COP1: variants seen among roughly 807,000 people sequenced by gnomAD.
COP1 encodes COP1 E3 ubiquitin ligase, also known as E3 ubiquitin-protein ligase COP1.
COP1 carries 24 observed loss-of-function variants against 101.3 expected under a neutral mutation model. That is an observed-to-expected ratio of 0.24 (90% CI 0.17 to 0.33). The LOEUF is 0.33. Ranked by LOEUF, COP1 falls within the 10% of genes least tolerant of loss-of-function variation. The pLI, the probability that COP1 is intolerant of heterozygous loss-of-function variation, is 1.00. For synonymous variants in COP1, 347 were observed against 341.9 expected, an observed-to-expected ratio of 1.01 and a Z score of -0.17; for missense variants, 663 against 906.2, an observed-to-expected ratio of 0.73 and a Z score of 3.45.
intron 6 of COP1, among the ~76,000 whole-genome samples, chr1:176,137,488 C>T (rs776812054): frequency 6.6e-6 from 1 of 152,150 alleles, no homozygotes; most frequent in Admixed American, 6.6e-5. Context: ...ATGCGGTTGT[C>T]TTACTCTAAC....
chr1:176,021,471 C>CT (rs1666746262), intron 15 of COP1, among the ~76,000 whole-genome samples: 2 of 152,078 alleles, frequency 1.3e-5, no homozygotes, highest in Non-Finnish European at 2.9e-5. Flanking sequence ...ACATTAATCT[C>CT]TTTTTTGTAC....
chr1:175,945,812 C>T (rs1649100336), intron 19 of COP1, among the ~76,000 whole-genome samples: 1 of 152,216 alleles, frequency 6.6e-6, no homozygotes, highest in South Asian at 2.1e-4. Context: ...ACAACACTCA[C>T]TAAGTAGCAA....
intron 14 of COP1, among the ~76,000 whole-genome samples, chr1:176,042,687 C>G (rs561446762): frequency 1.4e-5 from 2 of 142,594 alleles, no homozygotes; most frequent in African/African-American, 2.6e-5. Context: ...GCCGAGACTG[C>G]GCCACTGCAC....
chr1:176,011,015 G>C (rs1485607954), intron 15 of COP1, among the ~76,000 whole-genome samples: 4 of 152,166 alleles, frequency 2.6e-5, no homozygotes, highest in Non-Finnish European at 5.9e-5. Context: ...ACAGTGAAAA[G>C]AGAACTTTAA....
intron 3 of COP1, among the ~76,000 whole-genome samples, chr1:176,166,121 ATTTAT>A (rs1304252822): frequency 6.6e-6 from 1 of 151,886 alleles, no homozygotes; most frequent in African/African-American, 2.4e-5. Context: ...GCCTGTATTT[ATTTAT>A]TTTATTTATT....
At chr1:176,110,639 T>C (rs1322888981) in intron 9 of COP1, among the ~76,000 whole-genome samples, 7 of 152,066 alleles carry the variant, frequency 4.6e-5, no homozygotes, top group Non-Finnish European at 1.0e-4. Flanking sequence ...ATGAGGTATG[T>C]TTAAAACAAA....
intron 10 of COP1, among the ~76,000 whole-genome samples, chr1:176,082,786 C>G (rs964321028): frequency 3.4e-5 from 5 of 148,680 alleles, no homozygotes; most frequent in Non-Finnish European, 5.9e-5. Context: ...GCCTGGGCAA[C>G]GAGAGCAAAA....
intron 18 of COP1, among the ~76,000 whole-genome samples, chr1:175,955,783 C>A (rs188010319): frequency 7.1e-6 from 1 of 139,884 alleles, no homozygotes; most frequent in Non-Finnish European, 1.6e-5. Flanking sequence ...CACACACACA[C>A]ACACACACAC....
chr1:176,194,952 T>C (rs942472324), intron 1 of COP1, among the ~76,000 whole-genome samples: 30 of 149,196 alleles, frequency 2.0e-4, no homozygotes, highest in African/African-American at 6.4e-4. Context: ...CCAGATGTGG[T>C]GGCCCATGCC....
chr1:176,179,310 AATAAAG>A lies in COP1; in HGVS notation c.468-3309_468-3304del, dbSNP rs1697415955. On this transcript the variant is annotated intron_variant, in intron 2 of 19. Transcript: ENST00000367669. ...GTCTCAAAAAAAAAAAAAATTACAT[AATAAAG>A]ATAAGAGATGGGTTGACAGATAAGT... Among the ~76,000 whole-genome samples, 3 of 152,070 alleles carry A rather than the reference AATAAAG, an allele frequency of 2.0e-5. No individual in the cohort carries two copies. The South Asian group carries it at 6.2e-4, about 32-fold the overall frequency.
chr1:176,114,179 A>C (rs1434687642), intron 9 of COP1, among the ~76,000 whole-genome samples: 1 of 152,154 alleles, frequency 6.6e-6, no homozygotes, highest in Admixed American at 6.5e-5. Flanking sequence ...CCTACGGTAT[A>C]TTTCAATTTA....
At chr1:176,196,432 T>A (rs1699705991) in intron 1 of COP1, among the ~76,000 whole-genome samples, 1 of 152,078 alleles carries the variant, frequency 6.6e-6, no homozygotes, top group Non-Finnish European at 1.5e-5. Context: ...GGGACACCAT[T>A]AACAAATCCA....
At chr1:176,115,563 A>G (rs1474665905) in intron 9 of COP1, among the ~76,000 whole-genome samples, 2 of 152,130 alleles carry the variant, frequency 1.3e-5, no homozygotes, top group African/African-American at 4.8e-5. Flanking sequence ...CCTGGCTAAC[A>G]TGGTGAAACC....
chr1:176,014,004 GATTA>G (rs1471560597), intron 15 of COP1, among the ~76,000 whole-genome samples: 3 of 152,198 alleles, frequency 2.0e-5, no homozygotes, highest in Admixed American at 1.3e-4. Flanking sequence ...TGGGAACACT[GATTA>G]ATTATATGAA....
chr1:176,084,287 T>C (rs1679719245), intron 10 of COP1, among the ~76,000 whole-genome samples: 1 of 152,202 alleles, frequency 6.6e-6, no homozygotes, highest in African/African-American at 2.4e-5. Flanking sequence ...GGAATCTTAA[T>C]ATCCAGAAAT....
Position 176,138,331 on chromosome 1 carries a change from C to T in COP1, c.832-1784G>A, listed in dbSNP as rs138694975. Reference sequence around the variant, plus strand: ...TTAAAGAGATGGGCAAAGGAAGAAGCAGCATTAACAATCAAGAAGGGCAAA... The same window carrying T: ...TTAAAGAGATGGGCAAAGGAAGAAGTAGCATTAACAATCAAGAAGGGCAAA... On this transcript the variant is annotated intron_variant, in intron 6 of 19. Transcript: ENST00000367669. Among the ~76,000 whole-genome samples, 428 of 152,194 alleles carry T rather than the reference C, an allele frequency of 2.8e-3. 3 individuals are homozygous for T. Among genetic ancestry groups the T allele is most frequent in the African/African-American group, 9.8e-3 (409 of 41,542 alleles).
intron 11 of COP1, among the ~76,000 whole-genome samples, chr1:176,060,956 C>T (rs1674728897): frequency 2.6e-5 from 4 of 152,126 alleles, no homozygotes; most frequent in Admixed American, 2.6e-4. Flanking sequence ...AGAAGAGCTC[C>T]TGTTCTAAAA....
intron 8 of COP1, chr1:176,133,917 T>G (rs1010842381): frequency 2.2e-6 from 1 of 449,106 alleles, no homozygotes; most frequent in African/African-American, 2.0e-5. Context: ...GATAACAATA[T>G]ACACAGACCA....
intron 18 of COP1, among the ~76,000 whole-genome samples, chr1:175,975,114 A>G (rs1571333730): frequency 6.6e-6 from 1 of 152,172 alleles, no homozygotes; most frequent in East Asian, 1.9e-4. Flanking sequence ...TTCAGAGCCA[A>G]CAGTTTCATT....
Sources: gnomAD v4.1 joint callset for allele counts (sites outside exome capture counted in the v4.1 genomes callset) on GRCh38, gnomAD v4.1.1 for gene constraint, MANE v1.5 for transcripts, NCBI Gene and HGNC (gene_info 2026-07-23, HGNC 2026-07-21) for gene names.